The following FOXK2 variants were observed in gnomAD, a reference collection of about 807,000 sequenced individuals.
The protein encoded by FOXK2 is forkhead box K2.
A neutral mutation model predicts 53.3 loss-of-function variants in FOXK2; 24 were observed. The ratio of observed to expected loss-of-function variants is 0.45; its 90% CI spans 0.33 to 0.63. The LOEUF (loss-of-function observed/expected upper bound fraction) is 0.63, where lower values mean the gene tolerates loss of function less well. Among genes scored for constraint, FOXK2 ranks in the 30% least tolerant of loss-of-function variants. The pLI, the probability that FOXK2 is intolerant of heterozygous loss-of-function variation, is 0.03. For synonymous variants in FOXK2, 505 were observed against 407.1 expected, an observed-to-expected ratio of 1.24 and a Z score of -2.89; for missense variants, 952 against 910.5, an observed-to-expected ratio of 1.05 and a Z score of -0.59.
At chr17:82,592,381 G>C (rs1480638599) in intron 8 of FOXK2, among the ~76,000 whole-genome samples, 1 of 152,218 alleles carries the variant, frequency 6.6e-6, no homozygotes, top group African/African-American at 2.4e-5. Flanking sequence ...GTGTCCTCTT[G>C]TTTTCTTTCT....
chr17:82,559,726 A>G (rs1233514610), intron 1 of FOXK2, among the ~76,000 whole-genome samples: 1 of 142,558 alleles, frequency 7.0e-6, no homozygotes, highest in Non-Finnish European at 1.5e-5. Flanking sequence ...AAGGGAGCTA[A>G]GCTCAGTCGG....
intron 5 of FOXK2, among the ~76,000 whole-genome samples, chr17:82,583,596 T>A (rs1326578094): frequency 6.6e-6 from 1 of 152,234 alleles, no homozygotes; most frequent in East Asian, 1.9e-4. Context: ...AGTTGACTTA[T>A]ACAGTGTTAA....
chr17:82,520,362 G>A lies in FOXK2; in HGVS notation c.419+55G>A, dbSNP rs1408511030. ...GTCTGCGGCCTGCAGCGCCTGGCAG[G>A]ACGGGACGGGACACGCGCCCAGGCC... is the stretch of plus-strand genomic sequence containing the variant. On this transcript the variant is annotated intron_variant, in intron 1 of 8. Transcript: ENST00000335255. The A allele has an allele frequency of 2.5e-6, 3 of 1,212,298 alleles. No homozygotes were observed. In the East Asian group the frequency reaches 1.0e-4, roughly 41 times the overall value. 75.1% of individuals were successfully genotyped at this position (1,212,298 alleles called of 1,614,324 possible). A position where few individuals can be genotyped will look rare whatever the true frequency, so the allele number is the denominator to read the frequency against.
chr17:82,561,470 G>A (rs2044792724), intron 1 of FOXK2, among the ~76,000 whole-genome samples: 1 of 152,148 alleles, frequency 6.6e-6, no homozygotes, highest in Non-Finnish European at 1.5e-5. Context: ...ACATCGGGCG[G>A]TAAAGAGAGG....
Position 82,567,948 on chromosome 17 carries a change from T to A in FOXK2, c.615-106T>A, listed in dbSNP as rs2044869875. 1.6e-5 allele frequency: 10 copies of A among 611,142 alleles called. No homozygotes were observed. The highest frequency in any genetic ancestry group is 8.5e-5 in the South Asian group (2 of 23,516). 37.9% of individuals were successfully genotyped at this position (611,142 alleles called of 1,614,324 possible). The stretch of plus-strand genomic sequence containing the variant: ...TTCCTTTTTTTTTTTTTTTTTTTTT[T>A]AACATTTCTGTATTTGTTATCCCTG... On this transcript the variant is annotated intron_variant, in intron 2 of 8. Coordinates refer to ENST00000335255, the MANE Select transcript of FOXK2 (RefSeq NM_004514.4).
intron 8 of FOXK2, among the ~76,000 whole-genome samples, chr17:82,588,593 G>A (rs1255491738): frequency 6.6e-6 from 1 of 152,158 alleles, no homozygotes; most frequent in Non-Finnish European, 1.5e-5. Flanking sequence ...TCACCCAGAA[G>A]GCTTGGCTGT....
intron 1 of FOXK2, among the ~76,000 whole-genome samples, chr17:82,523,285 T>G (rs553474001): frequency 2.5e-4 from 38 of 152,250 alleles, no homozygotes; most frequent in Non-Finnish European, 5.3e-4. Flanking sequence ...GATGAGTGGC[T>G]TTTTTCACAG....
chr17:82,548,328 G>A (rs995102797), intron 1 of FOXK2, among the ~76,000 whole-genome samples: 1 of 152,066 alleles, frequency 6.6e-6, no homozygotes, highest in Non-Finnish European at 1.5e-5. Flanking sequence ...CATTATCTGG[G>A]TGTGTAGTGG....
chr17:82,587,104 G>A lies in FOXK2; in HGVS notation c.1618G>A (p.Gly540Ser), dbSNP rs146173102. The change falls in exon 8 of 9, where the codon GGC becomes AGC. Residue 540 changes from glycine (G) to serine (S), a missense_variant. Physicochemically the swap from Gly to Ser is moderately conservative, Grantham distance 56. Around this residue, in one of 5 missense-constraint regions of FOXK2, gnomAD observed 551 missense variants for 385.1 expected, o/e 1.43. Transcript: ENST00000335255. ...TCCCGCCATTGGCCACGCCACGCTC[G>A]GCACTGCCAGCCGGATCATTCAGAC... ...PIPAIGHATL[G>S]TASRIIQTAQ... 1.3e-3 allele frequency: 2,057 copies of A among 1,612,866 alleles called. 4 individuals carry two copies. The highest frequency in any genetic ancestry group is 6.6e-3 in the Middle Eastern group (40 of 6,062).
At chr17:82,561,302 A>C (rs2044790430) in intron 1 of FOXK2, among the ~76,000 whole-genome samples, 1 of 152,054 alleles carries the variant, frequency 6.6e-6, no homozygotes, top group Admixed American at 6.5e-5. Context: ...GTGTTGATGC[A>C]TATGAGGGGC....
rs773115793 is a variant in FOXK2 at position 82,585,945 on chromosome 17, C to T, written c.1321C>T (p.Arg441Trp). ...SSQPVLITVQ[R>W]QLPQAIKPVT... ...TCAGCCAGTCTTAATCACCGTCCAG[C>T]GGCAGCTACCACAGGCCATCAAGCC... Residue 441 changes from arginine to tryptophan, a missense_variant, in exon 7 of 9, where the codon CGG becomes TGG. By Grantham distance (101) the Arg-to-Trp change is moderately radical (BLOSUM62 -3). Transcript: ENST00000335255. 2.4e-5 allele frequency: 38 copies of T among 1,612,522 alleles called. No homozygotes were observed. Among genetic ancestry groups the T allele is most frequent in the East Asian group, 4.5e-5 (2 of 44,900 alleles).
At chr17:82,544,820 C>G (rs2044608043) in intron 1 of FOXK2, among the ~76,000 whole-genome samples, 1 of 151,996 alleles carries the variant, frequency 6.6e-6, no homozygotes. Context: ...GGCTTTGGGA[C>G]CTGGCTTCCG....
chr17:82,586,401 C>CA (rs149999499), intron 7 of FOXK2, among the ~76,000 whole-genome samples: 417 of 40,386 alleles, frequency 0.01, no homozygotes, highest in Admixed American at 0.016. Flanking sequence ...GAAAGGTGGG[C>CA]GGGGGGGAAA....
intron 1 of FOXK2, among the ~76,000 whole-genome samples, chr17:82,530,830 C>G (rs531107156): frequency 6.6e-6 from 1 of 152,258 alleles, no homozygotes; most frequent in African/African-American, 2.4e-5. Context: ...GTTGTGTTTT[C>G]AAAGTGGCTT....
intron 4 of FOXK2, among the ~76,000 whole-genome samples, chr17:82,580,351 TGGCCC>T (rs1457229131): frequency 3.0e-5 from 2 of 67,224 alleles, no homozygotes; most frequent in African/African-American, 1.4e-4. Flanking sequence ...CTCCCACACA[TGGCCC>T]AGCCCACCTC....
intron 7 of FOXK2, 75 bp downstream of exon 7, chr17:82,586,275 GGGGAGACCACAGGGAGGTCAAAGGT>G: frequency 2.1e-6 from 1 of 486,506 alleles, no homozygotes; most frequent in Non-Finnish European, 3.6e-6. Context: ...AAGGAGGAGA[GGGGAGACCACAGGGAGGTCAAAGGT>G]GGGCCGGGGG....
chr17:82,544,198 C>T (rs56077123), intron 1 of FOXK2, among the ~76,000 whole-genome samples: 1 of 152,082 alleles, frequency 6.6e-6, no homozygotes, highest in Admixed American at 6.6e-5. Context: ...TAGGCGTGAG[C>T]CACTGCGCCC....
At chr17:82,574,602 G>GTT (rs149765488) in intron 4 of FOXK2, among the ~76,000 whole-genome samples, 3,022 of 152,250 alleles carry the variant, frequency 0.02, 93 homozygotes, top group African/African-American at 0.07. Context: ...TTACAGGCGT[G>GTT]AGCCACCGCG....
intron 1 of FOXK2, among the ~76,000 whole-genome samples, chr17:82,558,634 G>T (rs192454937): frequency 6.6e-6 from 1 of 152,364 alleles, no homozygotes; most frequent in African/African-American, 2.4e-5. Context: ...TGGGAGGACC[G>T]GCGGGGAGTC....
Sources: allele counts gnomAD v4.1 joint callset (sites outside exome capture counted in the v4.1 genomes callset), GRCh38; gene constraint gnomAD v4.1.1; regional missense constraint gnomAD v4.1.1; transcripts MANE v1.5; gene names NCBI Gene and HGNC (gene_info 2026-07-23, HGNC 2026-07-21).